RABGAP1L: variants seen among roughly 807,000 people sequenced by gnomAD.
RABGAP1L encodes rab GTPase-activating protein 1-like.
RABGAP1L carries 63 observed loss-of-function variants against 137.7 expected under a neutral mutation model. The ratio of observed to expected loss-of-function variants is 0.46; its 90% CI spans 0.37 to 0.56. The LOEUF is 0.56. RABGAP1L is among the 20% of genes least tolerant of loss of function. The pLI, the probability that RABGAP1L is intolerant of heterozygous loss-of-function variation, is 0.00. For synonymous variants in RABGAP1L, 431 were observed against 433.7 expected (o/e 0.99, Z 0.08); for missense variants, 1,095 against 1,244.0 (o/e 0.88, Z 1.80).
At chr1:174,555,705 T>A (rs1666832388) in intron 13 of RABGAP1L, among the ~76,000 whole-genome samples, 1 of 152,190 alleles carries the variant, frequency 6.6e-6, no homozygotes, top group African/African-American at 2.4e-5. Context: ...GCAGTGGATA[T>A]TGATAGTCTC....
intron 10 of RABGAP1L, among the ~76,000 whole-genome samples, chr1:174,295,023 A>G (rs948062270): frequency 4.0e-5 from 6 of 151,554 alleles, no homozygotes; most frequent in African/African-American, 1.5e-4. Context: ...GGTTCAGGTG[A>G]TTCTCCTGCC....
chr1:174,349,865 C>CA (rs1304133486), intron 11 of RABGAP1L, among the ~76,000 whole-genome samples: 14 of 142,794 alleles, frequency 9.8e-5, no homozygotes, highest in Admixed American at 4.8e-4. Context: ...GGGCGCTGAC[C>CA]CCCCCACCTC....
intron 12 of RABGAP1L, among the ~76,000 whole-genome samples, chr1:174,383,914 A>G (rs1012898358): frequency 6.6e-6 from 1 of 152,188 alleles, no homozygotes; most frequent in African/African-American, 2.4e-5. Context: ...CCCTTCTTAT[A>G]CCACCCCAGC....
chr1:174,803,295 CAG>C (rs1402525768), intron 18 of RABGAP1L, among the ~76,000 whole-genome samples: 1 of 152,190 alleles, frequency 6.6e-6, no homozygotes, highest in Non-Finnish European at 1.5e-5. Flanking sequence ...AAGGTACACC[CAG>C]TTAAGGACAA....
At chr1:174,766,637 G>A (rs922781587) in intron 18 of RABGAP1L, among the ~76,000 whole-genome samples, 1 of 152,176 alleles carries the variant, frequency 6.6e-6, no homozygotes, top group Non-Finnish European at 1.5e-5. Context: ...AAAGGCAATA[G>A]GATTTTAATA....
intron 13 of RABGAP1L, among the ~76,000 whole-genome samples, chr1:174,434,108 T>TACACACACAC (rs35509787): frequency 0.023 from 3,048 of 134,040 alleles, 73 homozygotes; most frequent in East Asian, 0.079. Context: ...CGTGTACACA[T>TACACACACAC]ACACACACAC....
intron 19 of RABGAP1L, among the ~76,000 whole-genome samples, chr1:174,924,406 A>AT (rs59804886): frequency 6.7e-6 from 1 of 149,010 alleles, no homozygotes; most frequent in African/African-American, 2.5e-5. Context: ...AAAAAAAAAA[A>AT]GAGAGAGATA....
At chr1:174,340,509 T>C (rs970454678) in intron 11 of RABGAP1L, among the ~76,000 whole-genome samples, 2 of 152,202 alleles carry the variant, frequency 1.3e-5, no homozygotes, top group African/African-American at 2.4e-5. Context: ...CTTCCACTTA[T>C]GAGAATATGC....
intron 13 of RABGAP1L, among the ~76,000 whole-genome samples, chr1:174,404,795 T>G (rs891747030): frequency 3.9e-5 from 6 of 152,194 alleles, no homozygotes; most frequent in African/African-American, 1.4e-4. Context: ...TTTAAACCTG[T>G]ATCAGACAGC....
At chr1:174,490,458 C>T (rs1660111295) in intron 13 of RABGAP1L, among the ~76,000 whole-genome samples, 1 of 152,136 alleles carries the variant, frequency 6.6e-6, no homozygotes, top group South Asian at 2.1e-4. Context: ...GTTGAGCTGC[C>T]TGGAGCTGTG....
At chr1:174,768,738 T>G in intron 18 of RABGAP1L, among the ~76,000 whole-genome samples, 1 of 152,208 alleles carries the variant, frequency 6.6e-6, no homozygotes, top group African/African-American at 2.4e-5. Context: ...CAAGAATACT[T>G]TACTTCCTTT....
At chr1:174,665,864 A>G (rs1035904493) in intron 14 of RABGAP1L, among the ~76,000 whole-genome samples, 1 of 152,266 alleles carries the variant, frequency 6.6e-6, no homozygotes, top group African/African-American at 2.4e-5. Context: ...TAAATGGAAC[A>G]GTAGAGTAGT....
intron 13 of RABGAP1L, among the ~76,000 whole-genome samples, chr1:174,538,077 C>CT (rs1275566118): frequency 3.9e-5 from 6 of 152,198 alleles, no homozygotes; most frequent in Non-Finnish European, 5.9e-5. Context: ...CTGAACCTCC[C>CT]TTTCCAATCT....
intron 18 of RABGAP1L, among the ~76,000 whole-genome samples, chr1:174,764,903 A>G (rs1181383279): frequency 1.3e-5 from 2 of 152,234 alleles, no homozygotes; most frequent in African/African-American, 2.4e-5. Flanking sequence ...GCTGCCTCCC[A>G]CAGCCCCTGA....
rs562774520 is a variant in RABGAP1L at position 174,900,687 on chromosome 1, T to C, written c.2341-56770T>C. Among the ~76,000 whole-genome samples the C allele has an allele frequency of 1.2e-4, 19 of 152,154 alleles. No individual in the cohort carries two copies. In the East Asian group the frequency reaches 3.1e-3, roughly 25 times the overall value. On this transcript the variant is annotated intron_variant, in intron 19 of 25. Transcript: ENST00000681986. ...GGTGTGAGCCACTACACCCAGCTAA[T>C]TTTTCTATTTTTAGTAGAGACAGGG...
At chr1:174,744,487 G>A (rs994612556) in intron 17 of RABGAP1L, among the ~76,000 whole-genome samples, 2 of 152,154 alleles carry the variant, frequency 1.3e-5, no homozygotes, top group African/African-American at 4.8e-5. Context: ...TATATAACAA[G>A]CTATACGAAA....
intron 13 of RABGAP1L, among the ~76,000 whole-genome samples, chr1:174,530,064 A>G (rs1664254988): frequency 6.6e-6 from 1 of 151,236 alleles, no homozygotes; most frequent in Admixed American, 6.6e-5. Context: ...TACCGTCAGG[A>G]TGCTCAGCTG....
chr1:174,574,249 TTCCTG>T (rs1216942865), intron 13 of RABGAP1L, among the ~76,000 whole-genome samples: 2 of 152,178 alleles, frequency 1.3e-5, no homozygotes, highest in Admixed American at 1.3e-4. Context: ...ATCCACACAT[TTCCTG>T]ATATATAATA....
chr1:174,953,802 C>T (rs973337414), intron 19 of RABGAP1L, among the ~76,000 whole-genome samples: 10 of 152,278 alleles, frequency 6.6e-5, no homozygotes, highest in African/African-American at 2.2e-4. Flanking sequence ...AGGGAAAGGA[C>T]GCAAACCTTC....
Sources: allele counts gnomAD v4.1 joint callset (sites outside exome capture counted in the v4.1 genomes callset), GRCh38; gene constraint gnomAD v4.1.1; transcripts MANE v1.5; gene names NCBI Gene and HGNC (gene_info 2026-07-23, HGNC 2026-07-21).